NOTCH2NLB: variants seen among roughly 807,000 people sequenced by gnomAD.
NOTCH2NLB encodes notch homolog 2 N-terminal-like protein B.
In NOTCH2NLB, 1 loss-of-function variant was observed where a neutral mutation model predicts 14.8. The ratio of observed to expected loss-of-function variants is 0.07; its 90% CI spans 0.02 to 0.32. NOTCH2NLB has a LOEUF of 0.32. NOTCH2NLB is among the 10% of genes least tolerant of loss of function. The pLI is 1.00. For synonymous variants in NOTCH2NLB, 6 were observed against 57.5 expected (o/e 0.10, Z 4.05); for missense variants, 11 against 155.0 (o/e 0.07, Z 4.93).
intron 2 of NOTCH2NLB, among the ~76,000 whole-genome samples, chr1:148,637,625 G>A (rs1379199345): frequency 6.8e-6 from 1 of 146,742 alleles, no homozygotes; most frequent in Non-Finnish European, 1.5e-5. Context: ...TGCAGAATGT[G>A]CAGGTTTGTT....
At chr1:148,610,850 C>T (rs1429047065) in intron 3 of NOTCH2NLB, among the ~76,000 whole-genome samples, 1 of 36,456 alleles carries the variant, frequency 2.7e-5, no homozygotes, top group Non-Finnish European at 5.0e-5. Flanking sequence ...ACCGAGATTG[C>T]ACCCTGCACT....
In NOTCH2NLB at chr1:148,607,965, G is replaced by A. The variant is rs1221520991; in HGVS notation, c.338-220C>T. Among the ~76,000 whole-genome samples, 3 of 137,576 alleles carry A rather than the reference G, an allele frequency of 2.2e-5. 1 individual carries two copies. Among genetic ancestry groups the A allele is most frequent in the Non-Finnish European group, 4.6e-5 (3 of 65,382 alleles). 90.3% of individuals were successfully genotyped at this position (137,576 alleles called of 152,430 possible). A position where few individuals can be genotyped will look rare whatever the true frequency, so the allele number is the denominator to read the frequency against. ...CAGAGACACAAGGACTCAGTGGGTGGAGCACCTGGAGGCAATTGTAGGTTA... is the reference window on the plus strand; with the variant it reads ...CAGAGACACAAGGACTCAGTGGGTGAAGCACCTGGAGGCAATTGTAGGTTA... On this transcript the variant is annotated intron_variant, in intron 3 of 4. Coordinates refer to ENST00000593495, the Ensembl canonical transcript of NOTCH2NLB.
In NOTCH2NLB at chr1:148,634,341, T is replaced by C. The variant is rs1436688169; in HGVS notation, c.77+5675A>G. On this transcript the variant is annotated intron_variant, in intron 2 of 4. Coordinates refer to ENST00000593495, the Ensembl canonical transcript of NOTCH2NLB. The stretch of plus-strand genomic sequence containing the variant: ...GACGAAAGAGAAAGTAATTTAACAG[T>C]TGATATTTTTCCCTGTCTATTTCTT... Among the ~76,000 whole-genome samples, 4 of 149,634 alleles carry C rather than the reference T, an allele frequency of 2.7e-5. 1 individual carries two copies. Among genetic ancestry groups the C allele is most frequent in the Admixed American group, 6.7e-5 (1 of 14,994 alleles).
rs1342203860 is a variant in NOTCH2NLB at position 148,637,193 on chromosome 1, T to G, written c.77+2823A>C. Among the ~76,000 whole-genome samples the G allele has an allele frequency of 5.9e-3, 852 of 143,996 alleles. 11 individuals carry two copies. The highest frequency in any genetic ancestry group is 0.021 in the African/African-American group (802 of 37,438). 94.5% of individuals were successfully genotyped at this position (143,996 alleles called of 152,430 possible). ...AGGCCATTCTCCTGCCTCAGCCTCC[T>G]GAGTAACTGGGATTACAGGTGCGTG... On this transcript the variant is annotated intron_variant, in intron 2 of 4. Coordinates refer to ENST00000593495, the Ensembl canonical transcript of NOTCH2NLB.
At chr1:148,670,528 CTAAAAA>C (rs1558392048) in intron 1 of NOTCH2NLB, among the ~76,000 whole-genome samples, 2 of 32,816 alleles carry the variant, frequency 6.1e-5, no homozygotes, top group African/African-American at 2.2e-4. Context: ...TGTTCATAAA[CTAAAAA>C]AAAAAATATA....
chr1:148,610,348 A>G (rs1663652787), intron 3 of NOTCH2NLB, among the ~76,000 whole-genome samples: 1 of 113,202 alleles, frequency 8.8e-6, no homozygotes, highest in Non-Finnish European at 1.8e-5. Flanking sequence ...AAAGAAAGAA[A>G]GAAAGAAAGA....
intron 1 of NOTCH2NLB, among the ~76,000 whole-genome samples, chr1:148,670,643 T>C (rs1267046182): frequency 2.3e-5 from 3 of 128,070 alleles, no homozygotes; most frequent in Non-Finnish European, 5.1e-5. Flanking sequence ...AAAAAATTAA[T>C]GGCAGCATGA....
At chr1:148,693,189 G>C in the NOTCH2NLB span, among the ~76,000 whole-genome samples, 334 of 148,386 alleles carry the variant, frequency 2.3e-3, no homozygotes, top group African/African-American at 7.7e-3. Context: ...AGAAATAAAA[G>C]AGGCCTGAGT....
intron 1 of NOTCH2NLB, among the ~76,000 whole-genome samples, chr1:148,673,574 AG>A: frequency 9.7e-6 from 1 of 102,866 alleles, no homozygotes; most frequent in African/African-American, 3.3e-5. Flanking sequence ...ATTCTAATGG[AG>A]GAATAAGGAG....
At chr1:148,610,351 AAGAAAG>A (rs1398044030) in intron 3 of NOTCH2NLB, among the ~76,000 whole-genome samples, 2 of 115,266 alleles carry the variant, frequency 1.7e-5, no homozygotes, top group Non-Finnish European at 3.6e-5. Context: ...GAAAGAAAGA[AAGAAAG>A]AAAGAAAGAA....
At chr1:148,703,104 C>T in the NOTCH2NLB span, among the ~76,000 whole-genome samples, 3 of 32,510 alleles carry the variant, frequency 9.2e-5, 1 homozygote, top group Admixed American at 6.4e-4. Context: ...AGCGAGACTC[C>T]GTCTCAAAAA....
chr1:148,625,587 C>A lies in NOTCH2NLB; in HGVS notation c.78-9637G>T, dbSNP rs1663965352. On this transcript the variant is annotated intron_variant, in intron 2 of 4. Coordinates refer to ENST00000593495, the Ensembl canonical transcript of NOTCH2NLB. ...AAAGCTCCTCTTTACTCCCTCTGGG[C>A]TAGTTTCCAGCAGAAAATTCTTTAA... Among the ~76,000 whole-genome samples, 2 of 116,592 alleles carry A rather than the reference C, an allele frequency of 1.7e-5. 1 individual carries two copies. The highest frequency in any genetic ancestry group is 6.3e-4 in the South Asian group (2 of 3,158). 76.5% of individuals were successfully genotyped at this position (116,592 alleles called of 152,430 possible). A position where few individuals can be genotyped will look rare whatever the true frequency, so the allele number is the denominator to read the frequency against.
At chr1:148,661,309 T>TC (rs1664677202) in intron 1 of NOTCH2NLB, among the ~76,000 whole-genome samples, 2 of 149,560 alleles carry the variant, frequency 1.3e-5, no homozygotes, top group South Asian at 4.3e-4. Flanking sequence ...AAAAAAGTTT[T>TC]GAAAAAACAA....
upstream of NOTCH2NLB, among the ~76,000 whole-genome samples, chr1:148,679,939 T>C (rs1177865603): frequency 3.8e-5 from 2 of 52,140 alleles, no homozygotes; most frequent in Admixed American, 4.2e-4. Context: ...ACTGGCCCCG[T>C]CCGCATCCTT....
At chr1:148,627,737 C>T (rs1228936612) in intron 2 of NOTCH2NLB, among the ~76,000 whole-genome samples, 1 of 151,130 alleles carries the variant, frequency 6.6e-6, no homozygotes, top group African/African-American at 2.4e-5. Context: ...GTTCTTATAA[C>T]CCTGAGCCTG....
At chr1:148,661,297 TA>T (rs1158055796) in intron 1 of NOTCH2NLB, among the ~76,000 whole-genome samples, 2 of 149,216 alleles carry the variant, frequency 1.3e-5, no homozygotes, top group African/African-American at 4.9e-5. Context: ...GGCACTATTA[TA>T]AAAAAAGTTT....
chr1:148,604,983 A>T (rs1477183878), downstream of NOTCH2NLB, among the ~76,000 whole-genome samples: 1 of 146,042 alleles, frequency 6.8e-6, no homozygotes, highest in African/African-American at 2.6e-5. Context: ...ACACACACAC[A>T]CACACACATT....
At chr1:148,609,756 T>C (rs1431043590) in intron 3 of NOTCH2NLB, among the ~76,000 whole-genome samples, 1 of 121,914 alleles carries the variant, frequency 8.2e-6, no homozygotes, top group Non-Finnish European at 1.7e-5. Context: ...ATGTGACATA[T>C]GAGCACAGAA....
At position 148,679,517 on chromosome 1, in the gene NOTCH2NLB, G is replaced by A. The variant is rs1349394321; in HGVS notation, c.-53C>T. The A allele has an allele frequency of 2.7e-6, 3 of 1,129,156 alleles. 1 individual carries two copies. Among genetic ancestry groups the A allele is most frequent in the East Asian group, 1.1e-4 (2 of 17,760 alleles). 69.9% of individuals were successfully genotyped at this position (1,129,156 alleles called of 1,614,324 possible). On this transcript the variant is annotated 5_prime_UTR_variant, in exon 1 of 5. Coordinates refer to ENST00000593495, the Ensembl canonical transcript of NOTCH2NLB. Reference sequence around the variant, plus strand: ...GCGCCAGCAGCGCCCACAGCAGAGCGGGGCGCAGGGCGGGCATCTTCTCGG... The same window carrying A: ...GCGCCAGCAGCGCCCACAGCAGAGCAGGGCGCAGGGCGGGCATCTTCTCGG...
Sources: gnomAD v4.1 joint callset for allele counts (sites outside exome capture counted in the v4.1 genomes callset) on GRCh38, gnomAD v4.1.1 for gene constraint, MANE v1.5 for transcripts, NCBI Gene and HGNC (gene_info 2026-07-23, HGNC 2026-07-21) for gene names.